The following KLHL4 variants were observed in gnomAD, a reference collection of about 807,000 sequenced individuals.
KLHL4 encodes kelch-like protein 4.
Under a neutral mutation model 45.8 loss-of-function variants are expected in KLHL4, and 17 were observed. The observed-to-expected ratio is 0.37, with a 90% CI of 0.25 to 0.56. The LOEUF (loss-of-function observed/expected upper bound fraction) is 0.56, where lower values mean the gene tolerates loss of function less well. Ranked by LOEUF, KLHL4 falls within the 20% of genes least tolerant of loss-of-function variation. The probability of loss-of-function intolerance (pLI) is 0.79; values close to 1 mark genes in which losing one functional copy is unlikely to be tolerated. For synonymous variants in KLHL4, 224 were observed against 189.9 expected, an observed-to-expected ratio of 1.18 and a Z score of -1.47; for missense variants, 544 against 544.9, an observed-to-expected ratio of 1.00 and a Z score of 0.02.
intron 9 of KLHL4, among the ~76,000 whole-genome samples, chrX:87,641,831 C>A (rs1008614030): frequency 9.0e-5 from 10 of 110,531 alleles, no homozygotes; most frequent in African/African-American, 3.3e-4. Context: ...CTCCTAGGTA[C>A]ACAGCTCCGG....
intron 1 of KLHL4, among the ~76,000 whole-genome samples, chrX:87,572,087 C>G (rs941392509): frequency 9.0e-6 from 1 of 111,220 alleles, no homozygotes; most frequent in Non-Finnish European, 1.9e-5. Flanking sequence ...GTTTGCATTT[C>G]TATTTCCAAG....
At chrX:87,602,166 T>TTAAAAATC (rs1430899031) in intron 1 of KLHL4, among the ~76,000 whole-genome samples, 1 of 111,177 alleles carries the variant, frequency 9.0e-6, no homozygotes, top group Non-Finnish European at 1.9e-5. Context: ...ACAGAGAAAA[T>TTAAAAATC]TAAAAATCAA....
rs1922485784 is a variant in KLHL4 at position 87,614,414 on chromosome X, CA to C, written c.591-17del. Reference sequence around the variant, plus strand: ...AATTATTGACTCATTTAAATTCCTACAAATATTTCCTATTTCCAGGTTGGTT... The same window carrying C: ...AATTATTGACTCATTTAAATTCCTACAATATTTCCTATTTCCAGGTTGGTT... On this transcript the variant is annotated intron_variant, in intron 2 of 10. Transcript: ENST00000373119. 8.4e-7 allele frequency: 1 copy of C among 1,194,376 alleles called. No individual in the cohort carries two copies. Among genetic ancestry groups the C allele is most frequent in the African/African-American group, 1.8e-5 (1 of 56,904 alleles).
At chrX:87,537,698 T>A (rs981168853) in intron 1 of KLHL4, among the ~76,000 whole-genome samples, 11 of 111,479 alleles carry the variant, frequency 9.9e-5, no homozygotes, top group African/African-American at 3.2e-4. Context: ...ATTTACTTGT[T>A]TTTAAAAATA....
At chrX:87,536,649 CT>C (rs1374677661) in intron 1 of KLHL4, among the ~76,000 whole-genome samples, 1 of 109,317 alleles carries the variant, frequency 9.1e-6, no homozygotes, top group Non-Finnish European at 1.9e-5. Context: ...GATATTTTCC[CT>C]GCATAAAATA....
At chrX:87,651,854 G>T (rs1923825160) in intron 9 of KLHL4, among the ~76,000 whole-genome samples, 1 of 112,320 alleles carries the variant, frequency 8.9e-6, no homozygotes, top group Non-Finnish European at 1.9e-5. Context: ...GCTCCACTAG[G>T]TGATGCCCCA....
At chrX:87,645,805 A>G (rs1240269377) in intron 9 of KLHL4, among the ~76,000 whole-genome samples, 1 of 111,769 alleles carries the variant, frequency 8.9e-6, no homozygotes, top group Non-Finnish European at 1.9e-5. Context: ...CAGGAATGGA[A>G]AACCAAACAT....
chrX:87,574,871 A>G lies in KLHL4; in HGVS notation c.423-39006A>G, dbSNP rs1053720486. ...GATATAACGAAATAACATGTGTGCC[A>G]CTGTTCTGTAAAGTGTAAAACATTC... On this transcript the variant is annotated intron_variant, in intron 1 of 10. Coordinates refer to ENST00000373119, the MANE Select transcript of KLHL4 (RefSeq NM_019117.5). 2.7e-5 allele frequency among the ~76,000 whole-genome samples: 3 copies of G among 112,027 alleles called. No homozygotes were observed. The East Asian group carries it at 8.5e-4, about 32-fold the overall frequency.
intron 1 of KLHL4, among the ~76,000 whole-genome samples, chrX:87,568,391 C>CTTTTTTTTTTTTTTTTTT (rs58586775): frequency 9.6e-4 from 55 of 57,471 alleles, no homozygotes; most frequent in African/African-American, 1.7e-3. Context: ...TTCTTTTTTT[C>CTTTTTTTTTTTTTTTTTT]TTTTTTTTTT....
At chrX:87,592,692 C>T in intron 1 of KLHL4, among the ~76,000 whole-genome samples, 1 of 111,946 alleles carries the variant, frequency 8.9e-6, no homozygotes, top group Non-Finnish European at 1.9e-5. Context: ...TCACATACCC[C>T]TCTGCCCTTT....
intron 1 of KLHL4, among the ~76,000 whole-genome samples, chrX:87,551,119 T>C (rs1328504244): frequency 9.1e-6 from 1 of 110,247 alleles, no homozygotes; most frequent in Non-Finnish European, 1.9e-5. Context: ...CCCTAAAGAC[T>C]CCTCCAAAAA....
chrX:87,640,165 AC>A (rs1923405554), intron 9 of KLHL4, among the ~76,000 whole-genome samples: 2 of 111,310 alleles, frequency 1.8e-5, no homozygotes, highest in Non-Finnish European at 3.8e-5. Context: ...CTCTGAACAG[AC>A]CAATAATAAG....
chrX:87,661,063 T>C (rs1486844526), intron 9 of KLHL4, among the ~76,000 whole-genome samples: 1 of 112,349 alleles, frequency 8.9e-6, no homozygotes, highest in Non-Finnish European at 1.9e-5. Context: ...GAAAATCACA[T>C]CTGGCTTCAC....
chrX:87,659,026 G>T (rs900654309), intron 9 of KLHL4, among the ~76,000 whole-genome samples: 2 of 106,859 alleles, frequency 1.9e-5, no homozygotes, highest in African/African-American at 6.8e-5. Context: ...TTTTTCTTCT[G>T]AGATTTTTGA....
intron 1 of KLHL4, among the ~76,000 whole-genome samples, chrX:87,609,474 T>C (rs1441296900): frequency 8.9e-6 from 1 of 112,081 alleles, no homozygotes; most frequent in Non-Finnish European, 1.9e-5. Context: ...AGGTGGTATC[T>C]CATTGTGGTT....
chrX:87,601,608 A>C (rs753856429), intron 1 of KLHL4, among the ~76,000 whole-genome samples: 6 of 111,162 alleles, frequency 5.4e-5, no homozygotes, highest in South Asian at 3.8e-4. Context: ...CTATTAATGG[A>C]AGACTGCCTT....
intron 5 of KLHL4, 143 bp downstream of exon 5, chrX:87,622,566 T>C (rs747631641): frequency 4.8e-5 from 19 of 392,477 alleles, no homozygotes; most frequent in Non-Finnish European, 8.2e-5. Context: ...GAAGAACATA[T>C]TCAGCCATCA....
chrX:87,529,416 G>A (rs1327923210), intron 1 of KLHL4, among the ~76,000 whole-genome samples: 2 of 111,563 alleles, frequency 1.8e-5, no homozygotes, highest in African/African-American at 6.5e-5. Flanking sequence ...ATACAGAAAA[G>A]TTTTAGTATA....
rs1475712948 is a variant in KLHL4 at position 87,625,596 on chromosome X, T to A, written c.1138-14T>A. Reference sequence around the variant, plus strand: ...GAACTCTCCATTCATATACCATGCATCACTACTTTTCAGTTACTGGCAGAT... The same window carrying A: ...GAACTCTCCATTCATATACCATGCAACACTACTTTTCAGTTACTGGCAGAT... On this transcript the variant is annotated splice_polypyrimidine_tract_variant and intron_variant, in intron 5 of 10. Transcript: ENST00000373119. 1 of 1,176,002 alleles carries A rather than the reference T, an allele frequency of 8.5e-7. No homozygotes were observed. The highest frequency in any genetic ancestry group is 3.0e-5 in the East Asian group (1 of 33,575).
Sources: allele counts gnomAD v4.1 joint callset (sites outside exome capture counted in the v4.1 genomes callset), GRCh38; gene constraint gnomAD v4.1.1; transcripts MANE v1.5; gene names NCBI Gene and HGNC (gene_info 2026-07-23, HGNC 2026-07-21).